Variants in TRIM9 observed in about 807,000 individuals in gnomAD.
TRIM9 encodes E3 ubiquitin-protein ligase TRIM9.
TRIM9 carries 26 observed loss-of-function variants against 78.3 expected under a neutral mutation model. The observed-to-expected ratio is 0.33, with a 90% CI of 0.24 to 0.46. TRIM9 has a LOEUF of 0.46. Ranked by LOEUF, TRIM9 falls within the 20% of genes least tolerant of loss-of-function variation. TRIM9 has a pLI of 1.00. For missense variants in TRIM9, 787 were observed against 1,036.4 expected, an observed-to-expected ratio of 0.76 and a Z score of 3.30; for synonymous variants, 398 against 416.5, an observed-to-expected ratio of 0.96 and a Z score of 0.54.
At chr14:50,982,890 C>T (rs768262294) in intron 10 of TRIM9, 52 bp downstream of exon 10, 146 of 1,504,128 alleles carry the variant, frequency 9.7e-5, no homozygotes, top group Non-Finnish European at 1.2e-4. Flanking sequence ...TGAGACACCT[C>T]ACATGCACTT....
chr14:51,089,345 T>C (rs2064095921), intron 1 of TRIM9: 1 of 152,258 alleles, frequency 6.6e-6, no homozygotes, highest in Non-Finnish European at 1.5e-5. Context: ...TATGTGTATA[T>C]ACACTTTGAA....
chr14:51,012,000 A>G (rs955198583), intron 3 of TRIM9, among the ~76,000 whole-genome samples: 1 of 152,170 alleles, frequency 6.6e-6, no homozygotes, highest in Non-Finnish European at 1.5e-5. Flanking sequence ...TTAAATTTCT[A>G]TCTAATATTT....
At chr14:51,048,118 A>G (rs2060096773) in intron 1 of TRIM9, among the ~76,000 whole-genome samples, 1 of 152,262 alleles carries the variant, frequency 6.6e-6, no homozygotes, top group South Asian at 2.1e-4. Flanking sequence ...ATGTTAGAAC[A>G]ATGAATATAC....
intron 7 of TRIM9, chr14:50,997,007 A>C (rs2054293216): frequency 2.0e-6 from 2 of 985,436 alleles, no homozygotes; most frequent in South Asian, 9.4e-5. Context: ...TGGGAAAAAA[A>C]ACACCACCAT....
chr14:51,043,922 T>C (rs1032268494), intron 1 of TRIM9, among the ~76,000 whole-genome samples: 1 of 152,236 alleles, frequency 6.6e-6, no homozygotes, highest in Non-Finnish European at 1.5e-5. Flanking sequence ...ATATTAAATC[T>C]GGTCATATTG....
intron 1 of TRIM9, among the ~76,000 whole-genome samples, chr14:51,039,323 A>G (rs925375212): frequency 2.6e-5 from 4 of 152,240 alleles, no homozygotes; most frequent in Non-Finnish European, 5.9e-5. Flanking sequence ...TATGTCCACG[A>G]AAGACTTGCA....
At chr14:51,018,748 T>C (rs936044762) in intron 3 of TRIM9, among the ~76,000 whole-genome samples, 2 of 152,212 alleles carry the variant, frequency 1.3e-5, no homozygotes, top group Admixed American at 6.5e-5. Context: ...CTGAGTAATT[T>C]TGTTGGTATG....
intron 7 of TRIM9, among the ~76,000 whole-genome samples, chr14:50,992,321 T>TC (rs2053614113): frequency 3.3e-5 from 5 of 152,076 alleles, no homozygotes; most frequent in African/African-American, 1.2e-4. Flanking sequence ...CTCATGCCTG[T>TC]AATCCCAGCA....
At chr14:51,029,085 G>A (rs532223298) in intron 1 of TRIM9, among the ~76,000 whole-genome samples, 3 of 152,222 alleles carry the variant, frequency 2.0e-5, no homozygotes, top group African/African-American at 7.2e-5. Flanking sequence ...TGCTGAGTGT[G>A]CCCAGGCAGA....
Position 50,977,229 on chromosome 14 carries a change from C to T in TRIM9, c.*62G>A, listed in dbSNP as rs944206603. Reference sequence around the variant, plus strand: ...GCACCCCACCACGGCTGGCTGAGCTCCTTGCTGTGGCTCTCGCAGGCGGAG... The same window carrying T: ...GCACCCCACCACGGCTGGCTGAGCTTCTTGCTGTGGCTCTCGCAGGCGGAG... On this transcript the variant is annotated 3_prime_UTR_variant, in exon 13 of 13. Transcript: ENST00000684578. The T allele has an allele frequency of 1.3e-5, 18 of 1,359,832 alleles. No homozygotes were observed. In the Admixed American group the frequency reaches 4.6e-4, roughly 35 times the overall value. 84.2% of individuals were successfully genotyped at this position (1,359,832 alleles called of 1,614,324 possible).
intron 1 of TRIM9, among the ~76,000 whole-genome samples, chr14:51,026,072 T>C (rs1211128892): frequency 6.6e-6 from 1 of 152,126 alleles, no homozygotes; most frequent in Admixed American, 6.5e-5. Context: ...AGCCTCCTCG[T>C]CCGCTGGGGA....
intron 3 of TRIM9, among the ~76,000 whole-genome samples, chr14:51,012,710 GC>G (rs1213902776): frequency 1.5e-4 from 23 of 152,094 alleles, no homozygotes; most frequent in African/African-American, 5.3e-4. Context: ...CCACATCCTC[GC>G]CCACACTTAT....
At chr14:51,091,153 T>C (rs2064277973) in intron 1 of TRIM9, 3 of 152,232 alleles carry the variant, frequency 2.0e-5, no homozygotes, top group African/African-American at 4.8e-5. Context: ...TTATTATTCA[T>C]GTGTTATTAT....
At chr14:51,039,986 TG>T (rs2059455939) in intron 1 of TRIM9, among the ~76,000 whole-genome samples, 1 of 152,146 alleles carries the variant, frequency 6.6e-6, no homozygotes, top group Non-Finnish European at 1.5e-5. Context: ...GGTTTCACCG[TG>T]TTAGCCAGGA....
intron 3 of TRIM9, among the ~76,000 whole-genome samples, chr14:51,021,762 C>A (rs988665101): frequency 6.6e-6 from 1 of 152,196 alleles, no homozygotes; most frequent in Non-Finnish European, 1.5e-5. Context: ...ATGCATTCAT[C>A]CTTCCTCTCA....
chr14:51,010,231 C>T (rs868668890), intron 4 of TRIM9, among the ~76,000 whole-genome samples, 153 bp downstream of exon 4: 1 of 152,032 alleles, frequency 6.6e-6, no homozygotes. Context: ...TTTATTTAGC[C>T]GGCACTTACT....
intron 5 of TRIM9, among the ~76,000 whole-genome samples, chr14:51,002,904 T>C (rs1432299666): frequency 3.9e-5 from 6 of 152,224 alleles, no homozygotes; most frequent in Non-Finnish European, 8.8e-5. Context: ...GAAGAAATCA[T>C]GTTTTAAGCT....
At chr14:51,002,125 GTT>G (rs1044517183) in intron 5 of TRIM9, among the ~76,000 whole-genome samples, 42 of 129,680 alleles carry the variant, frequency 3.2e-4, no homozygotes, top group African/African-American at 1.0e-3. Context: ...GTGTGTGTGT[GTT>G]TTTCTTTTTT....
chr14:51,082,033 T>C (rs1378975177), intron 1 of TRIM9, among the ~76,000 whole-genome samples: 1 of 152,120 alleles, frequency 6.6e-6, no homozygotes, highest in Non-Finnish European at 1.5e-5. Context: ...TCACATTTGG[T>C]CTTTCCAGTG....
Sources: gnomAD v4.1 joint callset for allele counts (sites outside exome capture counted in the v4.1 genomes callset) on GRCh38, gnomAD v4.1.1 for gene constraint, MANE v1.5 for transcripts, NCBI Gene and HGNC (gene_info 2026-07-23, HGNC 2026-07-21) for gene names.